Variants in FGF12 observed in about 807,000 individuals in gnomAD.
FGF12 encodes the protein fibroblast growth factor 12.
In FGF12, 14 loss-of-function variants were observed where a neutral mutation model predicts 23.6. That is an observed-to-expected ratio of 0.59 (90% CI 0.39 to 0.93). FGF12 has a LOEUF of 0.93. Among genes scored for constraint, FGF12 ranks in the 40% least tolerant of loss-of-function variants. FGF12 has a pLI of 0.00. For missense variants in FGF12, 175 were observed against 217.8 expected (o/e 0.80, Z 1.24); for synonymous variants, 62 against 77.3 (o/e 0.80, Z 1.04).
chr3:192,408,414 A>G lies in FGF12; in HGVS notation c.14-47876T>C. The G allele has an allele frequency of 2.1e-6, 3 of 1,401,702 alleles. No homozygotes were observed. Among genetic ancestry groups the G allele is most frequent in the Non-Finnish European group, 2.8e-6 (3 of 1,083,776 alleles). 86.8% of individuals were successfully genotyped at this position (1,401,702 alleles called of 1,614,324 possible). On this transcript the variant is annotated intron_variant, in intron 2 of 5. Coordinates refer to ENST00000445105, the MANE Select transcript of FGF12 (RefSeq NM_004113.6). This position sits in a 1 kb window ranked among gnomAD's most constrained non-coding sequence, Gnocchi z 7.3. ...AGTCAAAGTCTGGGCAGTGGCGACA[A>G]AATGTGTGAAAATCCAGATGTAAAC...
chr3:192,689,252 C>T (rs1577122834), intron 2 of FGF12, among the ~76,000 whole-genome samples: 1 of 152,022 alleles, frequency 6.6e-6, no homozygotes, highest in Non-Finnish European at 1.5e-5. Context: ...GTTCCCAACA[C>T]ATAGAAATGA....
At position 192,373,260 on chromosome 3, in the gene FGF12, T is replaced by A. The variant is rs76682763; in HGVS notation, c.14-12722A>T. 6.5e-3 allele frequency among the ~76,000 whole-genome samples: 981 copies of A among 151,788 alleles called. 9 individuals carry two copies. Among genetic ancestry groups the A allele is most frequent in the African/African-American group, 0.023 (938 of 41,304 alleles). On this transcript the variant is annotated intron_variant, in intron 2 of 5. Coordinates refer to ENST00000445105, the MANE Select transcript of FGF12 (RefSeq NM_004113.6). Reference sequence around the variant, plus strand: ...ACAGAATATCTAGTTCTTAGCATAGTGCCCATTAACATACAGGAAGCAAAC... The same window carrying A: ...ACAGAATATCTAGTTCTTAGCATAGAGCCCATTAACATACAGGAAGCAAAC...
intron 4 of FGF12, among the ~76,000 whole-genome samples, chr3:192,312,281 T>A (rs1291294706): frequency 6.6e-6 from 1 of 152,144 alleles, no homozygotes; most frequent in Non-Finnish European, 1.5e-5. Flanking sequence ...TTCCATGAGT[T>A]TTATGGTCTT....
chr3:192,498,838 G>A (rs1724037343), intron 2 of FGF12, among the ~76,000 whole-genome samples: 1 of 152,204 alleles, frequency 6.6e-6, no homozygotes, highest in Admixed American at 6.5e-5. Flanking sequence ...TCTCTATCAT[G>A]TTATCCCAGT....
chr3:192,412,580 C>T (rs1384972107), intron 2 of FGF12, among the ~76,000 whole-genome samples: 1 of 152,150 alleles, frequency 6.6e-6, no homozygotes, highest in African/African-American at 2.4e-5. Flanking sequence ...TGTCAGAGAG[C>T]TTTTTGGCTT....
At chr3:192,478,994 A>T (rs1161828084) in intron 2 of FGF12, among the ~76,000 whole-genome samples, 5 of 152,228 alleles carry the variant, frequency 3.3e-5, no homozygotes, top group African/African-American at 1.2e-4. Context: ...CTCCGGTTGT[A>T]CATATTGATC....
intron 2 of FGF12, among the ~76,000 whole-genome samples, chr3:192,528,561 T>C (rs1234567061): frequency 6.6e-6 from 1 of 152,178 alleles, no homozygotes; most frequent in Non-Finnish European, 1.5e-5. Context: ...TCAGCTCTAC[T>C]AGACAGTGCC....
At chr3:192,563,725 A>C (rs948257440) in intron 2 of FGF12, among the ~76,000 whole-genome samples, 1 of 152,222 alleles carries the variant, frequency 6.6e-6, no homozygotes, top group African/African-American at 2.4e-5. Context: ...AGATAAACAC[A>C]ATGATAAGTA....
chr3:192,511,901 C>A (rs539911063), intron 2 of FGF12, among the ~76,000 whole-genome samples: 1 of 151,796 alleles, frequency 6.6e-6, no homozygotes, highest in Non-Finnish European at 1.5e-5. Flanking sequence ...GAGGAAAGAC[C>A]GGAGCAATAA....
intron 2 of FGF12, among the ~76,000 whole-genome samples, chr3:192,677,542 A>G (rs1393362681): frequency 6.6e-6 from 1 of 152,204 alleles, no homozygotes. Flanking sequence ...AGTTCAATAT[A>G]TTGGTTTTTC....
At chr3:192,244,150 G>A (rs376003432) in intron 4 of FGF12, among the ~76,000 whole-genome samples, 23 of 152,164 alleles carry the variant, frequency 1.5e-4, no homozygotes, top group Non-Finnish European at 2.6e-4. Flanking sequence ...TAGGGAGATC[G>A]ATTTGGCATT....
At position 192,213,299 on chromosome 3, in the gene FGF12, C is replaced by A. The variant is rs76689629; in HGVS notation, c.229-42643G>T. 2.9e-3 allele frequency among the ~76,000 whole-genome samples: 446 copies of A among 151,768 alleles called. 1 individual carries two copies. The highest frequency in any genetic ancestry group is 0.01 in the African/African-American group (424 of 41,384). The stretch of plus-strand genomic sequence containing the variant: ...TTTTTTCCCTTTTTTTTGGAAGCTG[C>A]TTTTGTAGTCAGTAGGGAGCTCTGG... On this transcript the variant is annotated intron_variant, in intron 4 of 5. Coordinates refer to ENST00000445105, the MANE Select transcript of FGF12 (RefSeq NM_004113.6).
At chr3:192,437,417 G>C (rs1722057717) in intron 2 of FGF12, among the ~76,000 whole-genome samples, 1 of 152,174 alleles carries the variant, frequency 6.6e-6, no homozygotes, top group Non-Finnish European at 1.5e-5. Flanking sequence ...AACTGGCCAG[G>C]CGCCGTGGCT....
intron 2 of FGF12, among the ~76,000 whole-genome samples, chr3:192,394,943 A>G (rs1004431541): frequency 6.6e-6 from 1 of 152,210 alleles, no homozygotes; most frequent in Admixed American, 6.5e-5. Context: ...GCTTCACCAG[A>G]GAAAGTGAAC....
At chr3:192,417,954 A>G (rs1721406591) in intron 2 of FGF12, among the ~76,000 whole-genome samples, 1 of 152,050 alleles carries the variant, frequency 6.6e-6, no homozygotes, top group African/African-American at 2.4e-5. Flanking sequence ...TAATTTGCCC[A>G]TGTTTATGGT....
intron 2 of FGF12, among the ~76,000 whole-genome samples, chr3:192,706,674 A>G (rs1328953611): frequency 6.6e-6 from 1 of 152,188 alleles, no homozygotes; most frequent in Non-Finnish European, 1.5e-5. Flanking sequence ...CAGATGCAAG[A>G]TATTTACCTC....
At chr3:192,680,551 C>T (rs759165280) in intron 2 of FGF12, among the ~76,000 whole-genome samples, 8 of 151,990 alleles carry the variant, frequency 5.3e-5, no homozygotes, top group Non-Finnish European at 1.0e-4. Context: ...AGGACTGGAG[C>T]GGACAGAAGA....
chr3:192,390,639 T>G (rs555554671), intron 2 of FGF12, among the ~76,000 whole-genome samples: 29 of 152,298 alleles, frequency 1.9e-4, no homozygotes, highest in African/African-American at 7.0e-4. Context: ...ACCATGACCA[T>G]GCTAATTCAT....
intron 2 of FGF12, among the ~76,000 whole-genome samples, chr3:192,500,783 A>G (rs1413168830): frequency 1.3e-5 from 2 of 152,174 alleles, no homozygotes; most frequent in Non-Finnish European, 2.9e-5. Flanking sequence ...GCATATATTA[A>G]CTCATTTTAC....
Sources: allele counts gnomAD v4.1 joint callset (sites outside exome capture counted in the v4.1 genomes callset), GRCh38; gene constraint gnomAD v4.1.1; non-coding constraint Gnocchi (gnomAD v3.1); transcripts MANE v1.5; gene names NCBI Gene and HGNC (gene_info 2026-07-23, HGNC 2026-07-21).